The following UNC13C variants were observed in gnomAD, a reference collection of about 807,000 sequenced individuals.
UNC13C encodes the protein protein unc-13 homolog C.
A neutral mutation model predicts 245.4 loss-of-function variants in UNC13C; 174 were observed. That is an observed-to-expected ratio of 0.71 (90% CI 0.63 to 0.80). The LOEUF is 0.80. UNC13C is among the 30% of genes least tolerant of loss of function. The pLI, the probability that UNC13C is intolerant of heterozygous loss-of-function variation, is 0.00. For synonymous variants in UNC13C, 992 were observed against 895.1 expected (o/e 1.11, Z -1.93); for missense variants, 2,829 against 2,602.9 (o/e 1.09, Z -1.89).
At chr15:54,464,663 A>C (rs554584133) in intron 19 of UNC13C, among the ~76,000 whole-genome samples, 1 of 152,250 alleles carries the variant, frequency 6.6e-6, no homozygotes, top group Admixed American at 6.5e-5. Flanking sequence ...TTTTAGAAGG[A>C]AGAACCTTAG....
chr15:54,390,462 A>C (rs1348599026), intron 17 of UNC13C, among the ~76,000 whole-genome samples: 3 of 152,118 alleles, frequency 2.0e-5, no homozygotes, highest in Non-Finnish European at 4.4e-5. Flanking sequence ...ATACCCTTAC[A>C]GATTTTCTGT....
intron 1 of UNC13C, among the ~76,000 whole-genome samples, chr15:53,993,708 GT>G (rs1288821154): frequency 2.0e-5 from 3 of 151,940 alleles, no homozygotes; most frequent in Admixed American, 6.6e-5. Context: ...TTGTTGTTGT[GT>G]TTTTTTAATC....
At chr15:54,318,500 T>C (rs576835086) in intron 13 of UNC13C, among the ~76,000 whole-genome samples, 3 of 152,002 alleles carry the variant, frequency 2.0e-5, no homozygotes, top group East Asian at 1.9e-4. Flanking sequence ...TTTTTATATA[T>C]ACCTTTCAGC....
chr15:54,042,812 C>T (rs1457922227), intron 2 of UNC13C, among the ~76,000 whole-genome samples: 1 of 152,100 alleles, frequency 6.6e-6, no homozygotes. Context: ...GAGATCGTGC[C>T]ACTGCACTCC....
chr15:54,321,452 G>A lies in UNC13C; in HGVS notation c.4269-487G>A, dbSNP rs572037810. 8.5e-5 allele frequency: 42 copies of A among 491,596 alleles called. 1 individual carries two copies. Among genetic ancestry groups the A allele is most frequent in the African/African-American group, 3.9e-4 (20 of 51,232 alleles). The allele number at this position is 491,596 out of a possible 1,614,324, so 30.5% of individuals were successfully genotyped here. A position where few individuals can be genotyped will look rare whatever the true frequency, so the allele number is the denominator to read the frequency against. On this transcript the variant is annotated intron_variant, in intron 13 of 32. Coordinates refer to ENST00000260323, the MANE Select transcript of UNC13C (RefSeq NM_001080534.3). ...CCACAACTCTTGCATCTGCCTTTGC[G>A]GCCTTGCGTTCATGGCTACATCCAC...
the UNC13C span, among the ~76,000 whole-genome samples, chr15:53,925,544 C>T: frequency 6.6e-6 from 1 of 152,128 alleles, no homozygotes; most frequent in Admixed American, 6.5e-5. Flanking sequence ...ATAGAAGTGT[C>T]AAGCAGGATA....
chr15:54,436,851 T>G (rs1376171873), intron 19 of UNC13C, among the ~76,000 whole-genome samples: 7 of 151,670 alleles, frequency 4.6e-5, no homozygotes, highest in Non-Finnish European at 1.0e-4. Flanking sequence ...AAAAGAAAAA[T>G]TTAGAACAAT....
rs1180803448 is a variant in UNC13C, at chr15:54,300,532, A to C, written c.4268+159A>C. On this transcript the variant is annotated intron_variant, in intron 13 of 32. Transcript: ENST00000260323. ...CTGACTACTCTCTCTTACAGCTGTAAAGTATTAATGACTTGGTAATTCACT... is the reference window on the plus strand; with the variant it reads ...CTGACTACTCTCTCTTACAGCTGTACAGTATTAATGACTTGGTAATTCACT... 2.6e-5 allele frequency among the ~76,000 whole-genome samples: 4 copies of C among 152,136 alleles called. No individual in the cohort carries two copies. The East Asian group carries it at 5.8e-4, about 22-fold the overall frequency.
chr15:54,224,596 TCTTA>T (rs570452988), intron 4 of UNC13C, among the ~76,000 whole-genome samples: 1 of 152,190 alleles, frequency 6.6e-6, no homozygotes, highest in African/African-American at 2.4e-5. Context: ...CCTGTGGCTT[TCTTA>T]CTTTCTTTTT....
At chr15:53,895,150 G>A in the UNC13C span, among the ~76,000 whole-genome samples, 1 of 151,842 alleles carries the variant, frequency 6.6e-6, no homozygotes, top group South Asian at 2.1e-4. Flanking sequence ...GATCACTTGA[G>A]GTCAGGAGTT....
At chr15:53,955,266 T>TACACACACACACACAC in the UNC13C span, among the ~76,000 whole-genome samples, 3 of 149,574 alleles carry the variant, frequency 2.0e-5, no homozygotes, top group African/African-American at 4.9e-5. Context: ...GACTTTTTCT[T>TACACACACACACACAC]ACACACACAC....
intron 17 of UNC13C, among the ~76,000 whole-genome samples, chr15:54,375,275 C>T (rs748696919): frequency 3.9e-5 from 6 of 152,158 alleles, no homozygotes; most frequent in Non-Finnish European, 8.8e-5. Context: ...TTCTAATCTA[C>T]CTTGCAGAAA....
At chr15:54,354,720 C>T (rs1000076649) in intron 17 of UNC13C, among the ~76,000 whole-genome samples, 1 of 152,128 alleles carries the variant, frequency 6.6e-6, no homozygotes, top group African/African-American at 2.4e-5. Context: ...CAAGGAATAT[C>T]TCAACTTTAC....
chr15:54,181,838 G>A (rs1240257614), intron 4 of UNC13C, among the ~76,000 whole-genome samples: 2 of 151,874 alleles, frequency 1.3e-5, no homozygotes, highest in African/African-American at 4.8e-5. Flanking sequence ...CAGCTTGAAT[G>A]TTTTAGTGTT....
intron 4 of UNC13C, among the ~76,000 whole-genome samples, chr15:54,150,962 GAAA>G (rs1305483390): frequency 6.6e-6 from 1 of 152,132 alleles, no homozygotes; most frequent in Non-Finnish European, 1.5e-5. Context: ...AGAAGATTAA[GAAA>G]ATGGAGCTGT....
chr15:54,287,491 A>T (rs1299577383), intron 10 of UNC13C, among the ~76,000 whole-genome samples: 1 of 152,230 alleles, frequency 6.6e-6, no homozygotes, highest in Non-Finnish European at 1.5e-5. Context: ...CAGCTTTATC[A>T]AAGAAGACAT....
At chr15:54,522,336 G>C (rs1488437133) in intron 24 of UNC13C, among the ~76,000 whole-genome samples, 1 of 151,402 alleles carries the variant, frequency 6.6e-6, no homozygotes, top group African/African-American at 2.4e-5. Context: ...AAAAAAGCTG[G>C]ACATGGTGGC....
At chr15:54,193,135 A>G (rs972838507) in intron 4 of UNC13C, among the ~76,000 whole-genome samples, 1 of 152,164 alleles carries the variant, frequency 6.6e-6, no homozygotes, top group Non-Finnish European at 1.5e-5. Context: ...TCTACTTTAT[A>G]AAGTACTAAG....
chr15:54,089,365 G>A (rs1017505658), intron 2 of UNC13C, among the ~76,000 whole-genome samples: 3 of 152,192 alleles, frequency 2.0e-5, no homozygotes, highest in Non-Finnish European at 2.9e-5. Flanking sequence ...GAGGACTTGG[G>A]AGACTTAATC....
Sources: allele counts gnomAD v4.1 joint callset (sites outside exome capture counted in the v4.1 genomes callset), GRCh38; gene constraint gnomAD v4.1.1; transcripts MANE v1.5; gene names NCBI Gene and HGNC (gene_info 2026-07-23, HGNC 2026-07-21).